Variants in ZW10 observed in about 807,000 individuals in gnomAD.
ZW10 encodes zw10 kinetochore protein, also known as centromere/kinetochore protein zw10 homolog.
ZW10 carries 53 observed loss-of-function variants against 87.8 expected under a neutral mutation model. The observed-to-expected ratio is 0.60, with a 90% CI of 0.48 to 0.76. ZW10 has a LOEUF of 0.76. Ranked by LOEUF, ZW10 falls within the 30% of genes least tolerant of loss-of-function variation. The pLI is 0.00. For synonymous variants in ZW10, 312 were observed against 329.2 expected, an observed-to-expected ratio of 0.95 and a Z score of 0.57; for missense variants, 837 against 923.0, an observed-to-expected ratio of 0.91 and a Z score of 1.21.
chr11:113,765,705 T>C (rs984309200), intron 2 of ZW10, among the ~76,000 whole-genome samples: 1 of 152,248 alleles, frequency 6.6e-6, no homozygotes, highest in Non-Finnish European at 1.5e-5. Flanking sequence ...CTGCCAAAGC[T>C]GCTGCTCTAC....
At position 113,737,615 on chromosome 11, in the gene ZW10, T is replaced by C. The variant is rs959507585; in HGVS notation, c.1973A>G (p.Asn658Ser). ...IYCKAMGTLLNTAISEVIGKI... is the reference protein window; with the variant it reads ...IYCKAMGTLLSTAISEVIGKI... ...GCCAATGACCTCAGAAATTGCTGTA[T>C]TGAGTAAAGTCCCCATAGCCTTGCA... The change falls in exon 14 of 16, where the codon AAT (asparagine) becomes AGT (serine). Residue 658 changes from asparagine (N) to serine (S), a missense_variant. Asn to Ser is a conservative substitution (Grantham distance 46, BLOSUM62 1). Coordinates refer to ENST00000200135, the MANE Select transcript of ZW10 (RefSeq NM_004724.4). 9 of 1,613,392 alleles carry C rather than the reference T, an allele frequency of 5.6e-6. No homozygotes were observed. In the African/African-American group the frequency reaches 8.0e-5, roughly 14 times the overall value.
chr11:113,759,590 A>C (rs1488645473), intron 5 of ZW10, among the ~76,000 whole-genome samples: 1 of 152,166 alleles, frequency 6.6e-6, no homozygotes, highest in Non-Finnish European at 1.5e-5. Flanking sequence ...AGGGCAAACA[A>C]CACACCAAAG....
chr11:113,773,388 C>T (rs1331632706), intron 1 of ZW10, among the ~76,000 whole-genome samples, 174 bp downstream of exon 1: 7 of 152,086 alleles, frequency 4.6e-5, no homozygotes, highest in African/African-American at 1.4e-4. Flanking sequence ...CCTCAATCCA[C>T]ACATTCTGGG....
intron 2 of ZW10, among the ~76,000 whole-genome samples, chr11:113,766,983 T>G (rs1953914800): frequency 6.6e-6 from 1 of 152,056 alleles, no homozygotes. Flanking sequence ...CACCACACAC[T>G]TCAGCCTGGG....
intron 7 of ZW10, 146 bp from the exon 8 acceptor site, chr11:113,748,566 A>G: frequency 1.6e-6 from 1 of 607,428 alleles, no homozygotes; most frequent in South Asian, 2.5e-5. Context: ...TGCGTGGGAC[A>G]AATCATGACA....
intron 9 of ZW10, among the ~76,000 whole-genome samples, chr11:113,746,136 G>A (rs1196296619): frequency 6.6e-6 from 1 of 152,208 alleles, no homozygotes; most frequent in Admixed American, 6.5e-5. Context: ...GGTCCCAAAT[G>A]TTAACACTGC....
At chr11:113,771,358 G>A (rs1274739592) in intron 1 of ZW10, 1 of 152,234 alleles carries the variant, frequency 6.6e-6, no homozygotes, top group Non-Finnish European at 1.5e-5. Context: ...CCAAGGCCAT[G>A]CACATAAAAT....
At chr11:113,742,679 C>T (rs1953633884) in intron 10 of ZW10, among the ~76,000 whole-genome samples, 1 of 152,178 alleles carries the variant, frequency 6.6e-6, no homozygotes, top group Non-Finnish European at 1.5e-5. Context: ...TCATCTCTAA[C>T]TTCTGGTCTG....
chr11:113,740,629 A>T (rs1218048061), intron 11 of ZW10, among the ~76,000 whole-genome samples: 1 of 152,226 alleles, frequency 6.6e-6, no homozygotes, highest in Non-Finnish European at 1.5e-5. Context: ...ATGAAATGAA[A>T]CGATATAAAA....
In ZW10 at chr11:113,747,713, T is replaced by A; in HGVS notation, c.1090A>T (p.Ile364Phe). ...TCAAATTCTTCAGTGGACTGTATGA[T>A]CTGAGATACAAAAGAAAAAAAAGAA... is the stretch of plus-strand genomic sequence containing the variant. ...NSSKLQQYEE[I>F]IQSTEEFENA... Residue 364 changes from isoleucine to phenylalanine, a missense_variant and splice_region_variant, in exon 9 of 16, where the codon ATC (isoleucine) becomes TTC (phenylalanine). Coordinates refer to ENST00000200135, the MANE Select transcript of ZW10 (RefSeq NM_004724.4). 1 of 1,584,692 alleles carries A rather than the reference T, an allele frequency of 6.3e-7. No homozygotes were observed. The highest frequency in any genetic ancestry group is 8.6e-7 in the Non-Finnish European group (1 of 1,166,188).
chr11:113,750,421 G>A (rs1201795992), intron 7 of ZW10, among the ~76,000 whole-genome samples: 6 of 151,262 alleles, frequency 4.0e-5, no homozygotes, highest in African/African-American at 7.3e-5. Flanking sequence ...CTCCTTCCTC[G>A]GCCTCCCAAG....
At chr11:113,741,541 T>C (rs1449871871) in intron 11 of ZW10, among the ~76,000 whole-genome samples, 153 bp downstream of exon 11, 1 of 152,224 alleles carries the variant, frequency 6.6e-6, no homozygotes, top group Non-Finnish European at 1.5e-5. Context: ...CCAAATCCTT[T>C]AAATATGCGT....
chr11:113,747,561 T>G lies in ZW10; in HGVS notation c.1242A>C (p.Leu414=). ...CAGTGTTATGAATTTCTGAGGTCAT[T>G]AGATTTCTGGCTGCCACAATCACAT... The part of the protein sequence containing the change: ...CQDVIVAARN[L]MTSEIHNTVK... The change falls in exon 9 of 16, where the codon CTA becomes CTC. Residue 414 remains leucine (L), a synonymous_variant. Transcript: ENST00000200135. 6.2e-7 allele frequency: 1 copy of G among 1,613,504 alleles called. No homozygotes were observed. The highest frequency in any genetic ancestry group is 1.3e-5 in the African/African-American group (1 of 75,034).
intron 6 of ZW10, among the ~76,000 whole-genome samples, chr11:113,758,108 G>C (rs1953813165): frequency 6.6e-6 from 1 of 152,202 alleles, no homozygotes; most frequent in South Asian, 2.1e-4. Context: ...AGGAGGCAGA[G>C]GTTGCAGTAA....
chr11:113,769,026 A>G (rs978515554), intron 1 of ZW10, 59 bp from the exon 2 acceptor site: 53 of 1,553,268 alleles, frequency 3.4e-5, no homozygotes, highest in South Asian at 2.5e-4. Flanking sequence ...AACTCTAATA[A>G]GAATATATTC....
chr11:113,758,152 G>A (rs1005118445), intron 6 of ZW10, among the ~76,000 whole-genome samples: 10 of 150,344 alleles, frequency 6.7e-5, no homozygotes, highest in Admixed American at 1.3e-4. Flanking sequence ...CAGCCTGGGC[G>A]ACAAAAGCGA....
intron 9 of ZW10, among the ~76,000 whole-genome samples, chr11:113,746,377 T>A (rs188035289): frequency 2.0e-5 from 3 of 151,720 alleles, no homozygotes; most frequent in African/African-American, 7.3e-5. Context: ...TTGTGAGATA[T>A]ATATGAATTC....
At chr11:113,772,401 T>G (rs953971885) in intron 1 of ZW10, among the ~76,000 whole-genome samples, 1 of 152,186 alleles carries the variant, frequency 6.6e-6, no homozygotes, top group African/African-American at 2.4e-5. Context: ...AAACTACTTT[T>G]GTAAAATCAA....
intron 12 of ZW10, 35 bp from the exon 13 acceptor site, chr11:113,738,429 G>A (rs1025004144): frequency 7.3e-5 from 117 of 1,602,452 alleles, no homozygotes; most frequent in Non-Finnish European, 9.8e-5. Context: ...AATTTTAAAA[G>A]CTGCTCAATT....
Sources: allele counts gnomAD v4.1 joint callset (sites outside exome capture counted in the v4.1 genomes callset), GRCh38; gene constraint gnomAD v4.1.1; transcripts MANE v1.5; gene names NCBI Gene and HGNC (gene_info 2026-07-23, HGNC 2026-07-21).